The following TAFA1 variants were observed in gnomAD, a reference collection of about 807,000 sequenced individuals.
TAFA1 encodes chemokine-like protein TAFA-1.
In TAFA1, 4 loss-of-function variants were observed where a neutral mutation model predicts 18.5. The observed-to-expected ratio is 0.22, with a 90% CI of 0.11 to 0.49. The LOEUF (loss-of-function observed/expected upper bound fraction) is 0.49, where lower values mean the gene tolerates loss of function less well. Among genes scored for constraint, TAFA1 ranks in the 20% least tolerant of loss-of-function variants. The pLI is 0.98. For missense variants in TAFA1, 147 were observed against 169.0 expected, an observed-to-expected ratio of 0.87 and a Z score of 0.72; for synonymous variants, 56 against 55.2, an observed-to-expected ratio of 1.01 and a Z score of -0.06.
At chr3:68,222,422 A>G (rs1057104620) in intron 2 of TAFA1, among the ~76,000 whole-genome samples, 1 of 152,182 alleles carries the variant, frequency 6.6e-6, no homozygotes, top group Non-Finnish European at 1.5e-5. Context: ...TTGTATGAAG[A>G]GTGAGACCAT....
intron 2 of TAFA1, among the ~76,000 whole-genome samples, chr3:68,360,316 T>C (rs262233): frequency 0.6 from 90,764 of 151,706 alleles, 28,054 homozygotes; most frequent in East Asian, 1. Flanking sequence ...ACAATTTAAC[T>C]ATTTAGTAGA....
chr3:68,282,086 G>A (rs925585254), intron 2 of TAFA1, among the ~76,000 whole-genome samples: 4 of 152,134 alleles, frequency 2.6e-5, no homozygotes, highest in African/African-American at 9.7e-5. Context: ...AAGGGAGAAA[G>A]GCCCCTTATG....
intron 2 of TAFA1, among the ~76,000 whole-genome samples, chr3:68,325,214 G>T (rs550823271): frequency 6.6e-6 from 1 of 152,182 alleles, no homozygotes; most frequent in Non-Finnish European, 1.5e-5. Flanking sequence ...ATATTTAACA[G>T]CACCAAGGCA....
chr3:68,427,842 G>A (rs1006789922), intron 3 of TAFA1, among the ~76,000 whole-genome samples: 2 of 151,910 alleles, frequency 1.3e-5, no homozygotes, highest in Non-Finnish European at 2.9e-5. Flanking sequence ...TAGTGAATAA[G>A]TCTCATGAGA....
chr3:68,470,652 G>A (rs1575897083), intron 3 of TAFA1, among the ~76,000 whole-genome samples: 1 of 152,298 alleles, frequency 6.6e-6, no homozygotes, highest in East Asian at 1.9e-4. Context: ...GAACTTGAGG[G>A]AGTTAATTTA....
At chr3:68,439,812 A>G (rs1489377334) in intron 3 of TAFA1, among the ~76,000 whole-genome samples, 3 of 152,024 alleles carry the variant, frequency 2.0e-5, no homozygotes, top group Admixed American at 1.3e-4. Context: ...TCAAGATGAC[A>G]CTCAGTATTA....
At chr3:68,211,004 G>A (rs1279174471) in intron 2 of TAFA1, among the ~76,000 whole-genome samples, 1 of 151,994 alleles carries the variant, frequency 6.6e-6, no homozygotes, top group African/African-American at 2.4e-5. Context: ...GCTATTGAAA[G>A]GAGACCTTTG....
chr3:68,100,865 T>C (rs528056739), intron 2 of TAFA1, among the ~76,000 whole-genome samples: 14 of 152,286 alleles, frequency 9.2e-5, no homozygotes, highest in African/African-American at 3.1e-4. Context: ...AAACGTGATA[T>C]AGCCATCAGC....
rs145580946 is a variant in TAFA1, at chr3:68,224,565, C to T, written c.119-192715C>T. Among the ~76,000 whole-genome samples the T allele has an allele frequency of 9.3e-4, 142 of 152,228 alleles. 1 individual carries two copies. Among genetic ancestry groups the T allele is most frequent in the African/African-American group, 3.3e-3 (136 of 41,520 alleles). On this transcript the variant is annotated intron_variant, in intron 2 of 4. Transcript: ENST00000478136. ...GTTTGTTTCCTGAAAGCTTTCTAGC[C>T]TGTGGCCTTTCATTTGAGGGACCAT...
intron 3 of TAFA1, among the ~76,000 whole-genome samples, chr3:68,479,289 C>T (rs1208096930): frequency 3.4e-5 from 5 of 147,192 alleles, no homozygotes; most frequent in South Asian, 2.1e-4. Flanking sequence ...ACTGTAGCTC[C>T]ATACACACAT....
At chr3:68,312,231 C>T (rs532600706) in intron 2 of TAFA1, among the ~76,000 whole-genome samples, 6 of 149,832 alleles carry the variant, frequency 4.0e-5, no homozygotes, top group Non-Finnish European at 7.4e-5. Context: ...GGAGGGGCTG[C>T]CCTGGAGACA....
At chr3:68,252,176 A>G (rs199777728) in intron 2 of TAFA1, among the ~76,000 whole-genome samples, 3 of 152,162 alleles carry the variant, frequency 2.0e-5, no homozygotes, top group East Asian at 1.9e-4. Flanking sequence ...CACAGGTCCA[A>G]TTAATTATCT....
chr3:68,535,771 T>C (rs562396461), intron 3 of TAFA1, among the ~76,000 whole-genome samples: 1 of 152,072 alleles, frequency 6.6e-6, no homozygotes, highest in East Asian at 1.9e-4. Flanking sequence ...ACTCAGACCA[T>C]AGTAATCTTG....
chr3:68,512,766 G>T (rs1212033706), intron 3 of TAFA1, among the ~76,000 whole-genome samples: 2 of 151,396 alleles, frequency 1.3e-5, no homozygotes, highest in African/African-American at 4.9e-5. Context: ...CTAAAAGTAG[G>T]ATTTAAGTTA....
At chr3:68,212,139 C>G (rs1189861864) in intron 2 of TAFA1, among the ~76,000 whole-genome samples, 7 of 151,712 alleles carry the variant, frequency 4.6e-5, no homozygotes, top group Non-Finnish European at 8.8e-5. Flanking sequence ...AGAACAACAG[C>G]CTGAGTATGA....
chr3:68,405,775 C>T (rs988415691), intron 2 of TAFA1, among the ~76,000 whole-genome samples: 7 of 125,002 alleles, frequency 5.6e-5, no homozygotes, highest in South Asian at 2.8e-4. Context: ...GGAAAGAACA[C>T]GTTAGGCCCC....
chr3:68,313,023 T>A (rs2068546381), intron 2 of TAFA1, among the ~76,000 whole-genome samples: 1 of 152,094 alleles, frequency 6.6e-6, no homozygotes, highest in Non-Finnish European at 1.5e-5. Context: ...AGACTCCGAT[T>A]TTTAAAGTCG....
At chr3:68,036,946 G>A (rs1040001356) in intron 2 of TAFA1, among the ~76,000 whole-genome samples, 1 of 152,056 alleles carries the variant, frequency 6.6e-6, no homozygotes, top group African/African-American at 2.4e-5. Flanking sequence ...CACTTATTGA[G>A]TGCTAAGTCC....
intron 2 of TAFA1, among the ~76,000 whole-genome samples, chr3:68,142,176 A>G (rs1162732953): frequency 6.6e-6 from 1 of 152,238 alleles, no homozygotes; most frequent in Non-Finnish European, 1.5e-5. Context: ...AAATGCTAAT[A>G]ACTAATGAAA....
Sources: allele counts gnomAD v4.1 joint callset (sites outside exome capture counted in the v4.1 genomes callset), GRCh38; gene constraint gnomAD v4.1.1; transcripts MANE v1.5; gene names NCBI Gene and HGNC (gene_info 2026-07-23, HGNC 2026-07-21).